The following EPS8L3 variants were observed in gnomAD, a reference collection of about 807,000 sequenced individuals.
EPS8L3 encodes EPS8 signaling adaptor L3.
In EPS8L3, 80 loss-of-function variants were observed where a neutral mutation model predicts 88.5. The observed-to-expected ratio is 0.90, with a 90% CI of 0.75 to 1.09. EPS8L3 has a LOEUF of 1.09. EPS8L3 is among the 50% of genes least tolerant of loss of function. EPS8L3 has a pLI of 0.00. For missense variants in EPS8L3, 721 were observed against 735.2 expected, an observed-to-expected ratio of 0.98 and a Z score of 0.22; for synonymous variants, 286 against 291.0, an observed-to-expected ratio of 0.98 and a Z score of 0.18.
rs1268771497 is a variant in EPS8L3, at chr1:109,752,702, C to G, written c.1219G>C (p.Asp407His). The change falls in exon 14 of 19, where the codon GAC becomes CAC. Residue 407 changes from aspartate to histidine, a missense_variant. Transcript: ENST00000361965. ...PSSQAPLGYQDPVSLRRGSHR... is the reference protein window; with the variant it reads ...PSSQAPLGYQHPVSLRRGSHR... The stretch of plus-strand genomic sequence containing the variant: ...AGAGCATACCGAAGGGAAACAGGGT[C>G]CTGGTATCCTAAGGGTGCCTGTAAG... 1 of 1,551,912 alleles carries G rather than the reference C, an allele frequency of 6.4e-7. No individual in the cohort carries two copies. The highest frequency in any genetic ancestry group is 1.4e-5 in the African/African-American group (1 of 73,048).
At chr1:109,758,823 T>C (rs1397150523) in intron 6 of EPS8L3, among the ~76,000 whole-genome samples, 160 bp from the exon 7 acceptor site, 1 of 151,646 alleles carries the variant, frequency 6.6e-6, no homozygotes, top group Non-Finnish European at 1.5e-5. Context: ...GACTCCACCC[T>C]GCCTCATCTG....
In EPS8L3 at chr1:109,759,647, G is replaced by A. The variant is rs1361536172; in HGVS notation, c.255+31C>T. On this transcript the variant is annotated intron_variant, in intron 4 of 18. Coordinates refer to ENST00000361965, the MANE Select transcript of EPS8L3 (RefSeq NM_133181.4). This position sits in a 1 kb window ranked among gnomAD's most constrained non-coding sequence, Gnocchi z 4.2. The stretch of plus-strand genomic sequence containing the variant: ...TGCTTGCTTCCCCACAGCCCAGGCT[G>A]GCTATCACTGGGTTTGCTGGGAAGG... 1 of 1,608,806 alleles carries A rather than the reference G, an allele frequency of 6.2e-7. No homozygotes were observed. The highest frequency in any genetic ancestry group is 8.5e-7 in the Non-Finnish European group (1 of 1,178,234).
rs987657949 is a variant in EPS8L3, at chr1:109,753,107, C to T, written c.1200+10G>A. The T allele has an allele frequency of 6.3e-5, 102 of 1,610,198 alleles. No homozygotes were observed. Among genetic ancestry groups the T allele is most frequent in the Admixed American group, 1.0e-4 (6 of 59,872 alleles). Reference sequence around the variant, plus strand: ...GCTGTGGGTAGGGCTCTATGCCAAGCTCCCCTTACTTGGCTGGAGGGCTCT... The same window carrying T: ...GCTGTGGGTAGGGCTCTATGCCAAGTTCCCCTTACTTGGCTGGAGGGCTCT... On this transcript the variant is annotated intron_variant, in intron 13 of 18. Coordinates refer to ENST00000361965, the MANE Select transcript of EPS8L3 (RefSeq NM_133181.4).
chr1:109,753,395 C>T (rs6673976), intron 12 of EPS8L3, among the ~76,000 whole-genome samples, 197 bp from the exon 13 acceptor site: 93,646 of 151,948 alleles, frequency 0.62, 29,123 homozygotes, highest in East Asian at 0.83. Flanking sequence ...ACACATCCCA[C>T]GGTGCAGGTG....
chr1:109,758,921 CCTCTGTCCT>C, intron 6 of EPS8L3, 132 bp downstream of exon 6: 1 of 970,874 alleles, frequency 1.0e-6, no homozygotes, highest in Non-Finnish European at 1.5e-6. Flanking sequence ...CCTATGCCCA[CCTCTGTCCT>C]GGCTCCTCCT....
At chr1:109,751,819 T>C in intron 15 of EPS8L3, 37 bp from the exon 16 acceptor site, 3 of 1,609,820 alleles carry the variant, frequency 1.9e-6, no homozygotes, top group Non-Finnish European at 2.5e-6. Flanking sequence ...CTGAGCCTCT[T>C]TCCAGCCAGC....
At chr1:109,762,029 G>A (rs1651028789) in intron 1 of EPS8L3, among the ~76,000 whole-genome samples, 1 of 152,190 alleles carries the variant, frequency 6.6e-6, no homozygotes, top group Non-Finnish European at 1.5e-5. Flanking sequence ...CTGGGCCTCA[G>A]GGAAGGCTCC....
chr1:109,761,928 G>A (rs935287198), intron 1 of EPS8L3, among the ~76,000 whole-genome samples, 155 bp from the exon 2 acceptor site: 1 of 152,056 alleles, frequency 6.6e-6, no homozygotes, highest in Non-Finnish European at 1.5e-5. Flanking sequence ...GCCATCTGCA[G>A]CCAGCGTCCT....
intron 12 of EPS8L3, 149 bp downstream of exon 12, chr1:109,756,868 A>T: frequency 1.1e-6 from 1 of 936,344 alleles, no homozygotes; most frequent in Non-Finnish European, 1.6e-6. Context: ...TTAGACAAAT[A>T]AAAAGTTGGG....
chr1:109,759,835 T>C lies in EPS8L3; in HGVS notation c.98A>G (p.His33Arg). 2 of 1,613,524 alleles carry C rather than the reference T, an allele frequency of 1.2e-6. No homozygotes were observed. The highest frequency in any genetic ancestry group is 8.5e-7 in the Non-Finnish European group (1 of 1,179,796). Residue 33 changes from histidine to arginine, a missense_variant and splice_region_variant, in exon 4 of 19, where the codon CAC becomes CGC. By Grantham distance (29) the His-to-Arg change is conservative. Coordinates refer to ENST00000361965, the MANE Select transcript of EPS8L3 (RefSeq NM_133181.4). The surrounding 1 kb of genome is among the most constrained non-coding windows in gnomAD (Gnocchi z 4.2). ...EPTLLQHRVE[H>R]LMTCKQGSQR... is the part of the protein sequence containing the mutation. ...ACTCCCCTGCTTGCATGTCATCAAG[T>C]GCTGCAGGGAGAGGGGGAGTCCTAG...
In EPS8L3 at chr1:109,758,624, C is replaced by G. The variant is rs774513266; in HGVS notation, c.501G>C (p.Trp167Cys). Residue 167 changes from tryptophan (W) to cysteine (C), a missense_variant, in exon 7 of 19, where the codon TGG becomes TGC. Trp to Cys is a radical substitution (Grantham distance 215). Coordinates refer to ENST00000361965, the MANE Select transcript of EPS8L3 (RefSeq NM_133181.4). Reference sequence around the variant, plus strand: ...GCGGCCTTTCCATAGCAGGCCCCCTCCATCTGTCCTGGCCTGGCTGAAGGC... The same window carrying G: ...GCGGCCTTTCCATAGCAGGCCCCCTGCATCTGTCCTGGCCTGGCTGAAGGC... Reference protein sequence around the residue: ...LGGLQPGQDRWRGPAMERPLP... With the variant: ...LGGLQPGQDRCRGPAMERPLP... 4 of 1,611,698 alleles carry G rather than the reference C, an allele frequency of 2.5e-6. No individual in the cohort carries two copies. Among genetic ancestry groups the G allele is most frequent in the Middle Eastern group, 1.7e-4 (1 of 6,046 alleles).
Position 109,757,798 on chromosome 1 carries a change from C to G in EPS8L3, c.894+4G>C. ...GCCTGGTGAACTTGTGGGGAGCCAC[C>G]TACCAGGAGGTTGAAGCTGTGCTTG... On this transcript the variant is annotated splice_donor_region_variant and intron_variant, in intron 10 of 18. Coordinates refer to ENST00000361965, the MANE Select transcript of EPS8L3 (RefSeq NM_133181.4). The G allele has an allele frequency of 6.2e-7, 1 of 1,613,836 alleles. No individual in the cohort carries two copies. Among genetic ancestry groups the G allele is most frequent in the Non-Finnish European group, 8.5e-7 (1 of 1,179,764 alleles).
At chr1:109,755,334 A>G (rs142055201) in intron 12 of EPS8L3, among the ~76,000 whole-genome samples, 2 of 152,386 alleles carry the variant, frequency 1.3e-5, no homozygotes, top group East Asian at 3.9e-4. Flanking sequence ...TTGGTGGCAC[A>G]CATTGTTAAT....
rs1649710962 is a variant in EPS8L3 at position 109,750,747 on chromosome 1, G to A, written c.1683C>T (p.Arg561=). Residue 561 remains arginine, a synonymous_variant, in exon 18 of 19, where the codon CGC becomes CGT. Coordinates refer to ENST00000361965, the MANE Select transcript of EPS8L3 (RefSeq NM_133181.4). ...LGSLTGSQLL[R]IRPGELQMLC... ...GCATCTGTAGCTCCCCAGGTCTTAT[G>A]CGAAGTAGCTGGCTCCCCGTCAGGG... 3.1e-6 allele frequency: 5 copies of A among 1,614,196 alleles called. No homozygotes were observed. The highest frequency in any genetic ancestry group is 3.4e-6 in the Non-Finnish European group (4 of 1,180,034).
intron 12 of EPS8L3, among the ~76,000 whole-genome samples, chr1:109,755,306 A>G (rs1348524829): frequency 1.3e-5 from 2 of 152,240 alleles, no homozygotes; most frequent in African/African-American, 2.4e-5. Flanking sequence ...AGTTCTTGAA[A>G]TACTGTAGAT....
chr1:109,759,942 C>T lies in EPS8L3; in HGVS notation c.97-106G>A. ...AAGAGGAAGAAGACGTGTCCTCGGC[C>T]CCCTTGAGGTAGGAGGTTCCAGGCT... On this transcript the variant is annotated intron_variant, in intron 3 of 18. Transcript: ENST00000361965. This position sits in a 1 kb window ranked among gnomAD's most constrained non-coding sequence, Gnocchi z 4.2. 1 of 1,251,374 alleles carries T rather than the reference C, an allele frequency of 8.0e-7. No individual in the cohort carries two copies. Among genetic ancestry groups the T allele is most frequent in the Non-Finnish European group, 1.1e-6 (1 of 904,198 alleles). 77.5% of individuals were successfully genotyped at this position (1,251,374 alleles called of 1,614,324 possible).
intron 3 of EPS8L3, among the ~76,000 whole-genome samples, chr1:109,760,690 G>A (rs1650823721): frequency 6.6e-6 from 1 of 152,062 alleles, no homozygotes; most frequent in Non-Finnish European, 1.5e-5. Flanking sequence ...CTGGCTAGGG[G>A]AGCTCTGCCT....
chr1:109,756,873 G>T (rs930139526), intron 12 of EPS8L3, 144 bp downstream of exon 12: 3 of 989,552 alleles, frequency 3.0e-6, no homozygotes, highest in African/African-American at 3.3e-5. Flanking sequence ...CAAATAAAAA[G>T]TTGGGAACTC....
intron 12 of EPS8L3, among the ~76,000 whole-genome samples, chr1:109,756,779 T>C (rs1650320666): frequency 1.3e-5 from 2 of 152,248 alleles, no homozygotes; most frequent in African/African-American, 4.8e-5. Context: ...GAAAAACTGT[T>C]CTTTTTTCTG....
Sources: gnomAD v4.1 joint callset for allele counts (sites outside exome capture counted in the v4.1 genomes callset) on GRCh38, gnomAD v4.1.1 for gene constraint, Gnocchi (gnomAD v3.1) non-coding constraint, MANE v1.5 for transcripts, NCBI Gene and HGNC (gene_info 2026-07-23, HGNC 2026-07-21) for gene names.